The following CLIC5 variants were observed in gnomAD, a reference collection of about 807,000 sequenced individuals.
CLIC5 encodes chloride intracellular channel protein 5.
A neutral mutation model predicts 24.7 loss-of-function variants in CLIC5; 20 were observed. That is an observed-to-expected ratio of 0.81 (90% CI 0.57 to 1.18). The LOEUF is 1.18. CLIC5 is among the 50% of genes most tolerant of loss of function. The pLI is 0.00. For missense variants in CLIC5, 341 were observed against 326.1 expected (o/e 1.05, Z -0.35); for synonymous variants, 159 against 135.6 (o/e 1.17, Z -1.20).
At chr6:45,989,535 C>T (rs1765857323) in intron 1 of CLIC5, among the ~76,000 whole-genome samples, 2 of 152,194 alleles carry the variant, frequency 1.3e-5, no homozygotes, top group Admixed American at 6.5e-5. Flanking sequence ...TCCAGTGCTG[C>T]CCTTACAACA....
At chr6:46,077,235 G>C (rs1334320027) in intron 1 of CLIC5, among the ~76,000 whole-genome samples, 1 of 152,072 alleles carries the variant, frequency 6.6e-6, no homozygotes, top group Admixed American at 6.6e-5. Context: ...AAATGATTAA[G>C]CCTCAATAAA....
chr6:45,931,576 A>G (rs1763736971), intron 4 of CLIC5, among the ~76,000 whole-genome samples: 1 of 152,204 alleles, frequency 6.6e-6, no homozygotes, highest in African/African-American at 2.4e-5. Context: ...AAATCAGGCA[A>G]TGTCTTACAA....
chr6:46,052,436 T>C (rs932332319), intron 1 of CLIC5, among the ~76,000 whole-genome samples: 1 of 152,180 alleles, frequency 6.6e-6, no homozygotes, highest in Non-Finnish European at 1.5e-5. Context: ...GTGTCACCAA[T>C]GACAAGGGTT....
intron 1 of CLIC5, among the ~76,000 whole-genome samples, chr6:45,990,753 G>A (rs950679244): frequency 6.6e-6 from 1 of 152,218 alleles, no homozygotes; most frequent in African/African-American, 2.4e-5. Flanking sequence ...TAAAACTTGA[G>A]TTTGCAATAT....
At chr6:45,982,227 T>C (rs1282946448) in intron 1 of CLIC5, among the ~76,000 whole-genome samples, 1 of 152,092 alleles carries the variant, frequency 6.6e-6, no homozygotes, top group Non-Finnish European at 1.5e-5. Context: ...GTGATTCTTG[T>C]CCTGACTCCA....
intron 6 of CLIC5, among the ~76,000 whole-genome samples, chr6:45,882,181 C>G (rs1488824543): frequency 6.6e-6 from 1 of 152,194 alleles, no homozygotes; most frequent in African/African-American, 2.4e-5. Context: ...CAAAAACACC[C>G]TGGAACCATC....
intron 1 of CLIC5, among the ~76,000 whole-genome samples, chr6:46,003,123 C>T (rs1766419906): frequency 6.6e-6 from 1 of 152,120 alleles, no homozygotes; most frequent in African/African-American, 2.4e-5. Context: ...GGGAATAGTA[C>T]CAAGACCTAC....
rs879054512 is a variant in CLIC5, at chr6:46,015,270, C to G, written c.63+210G>C. ...GTGGACAAACTGCGGATCAACTCTCCGAGAAGACGGCCACCTGCCGGAACC... is the reference window on the plus strand; with the variant it reads ...GTGGACAAACTGCGGATCAACTCTCGGAGAAGACGGCCACCTGCCGGAACC... On this transcript the variant is annotated intron_variant, in intron 1 of 5. Coordinates refer to ENST00000339561, the MANE Select transcript of CLIC5 (RefSeq NM_016929.5). Among the ~76,000 whole-genome samples, 16 of 152,266 alleles carry G rather than the reference C, an allele frequency of 1.1e-4. 1 individual carries two copies. In the South Asian group the frequency reaches 2.9e-3, roughly 28 times the overall value.
intron 1 of CLIC5, among the ~76,000 whole-genome samples, chr6:46,005,174 C>T (rs1459922740): frequency 6.6e-6 from 1 of 152,204 alleles, no homozygotes; most frequent in Non-Finnish European, 1.5e-5. Context: ...GGTGTTACTT[C>T]GTCTCTATTC....
At chr6:45,994,463 G>A (rs1461029604) in intron 1 of CLIC5, among the ~76,000 whole-genome samples, 1 of 152,036 alleles carries the variant, frequency 6.6e-6, no homozygotes, top group East Asian at 1.9e-4. Context: ...ACACAGGGAG[G>A]GGAACAACGC....
chr6:46,091,468 G>A, the CLIC5 span, among the ~76,000 whole-genome samples: 2 of 152,142 alleles, frequency 1.3e-5, no homozygotes, highest in South Asian at 4.1e-4. Flanking sequence ...TAGCATGGTG[G>A]CTCATGCCTG....
At chr6:46,088,009 T>C in the CLIC5 span, among the ~76,000 whole-genome samples, 1 of 152,234 alleles carries the variant, frequency 6.6e-6, no homozygotes. Context: ...TTTTTAATTA[T>C]GTTTCTCTAC....
In CLIC5 at chr6:45,932,322, C is replaced by T. The variant is rs193236676; in HGVS notation, c.406+9225G>A. ...CGGGGTTTCACCATGTTGGCCAGGA[C>T]GGTCTCAAACTCGTGACCTCGTGAT... On this transcript the variant is annotated intron_variant, in intron 4 of 5. Coordinates refer to ENST00000339561, the MANE Select transcript of CLIC5 (RefSeq NM_016929.5). Among the ~76,000 whole-genome samples the T allele has an allele frequency of 4.3e-4, 65 of 151,968 alleles. 1 individual carries two copies. Among genetic ancestry groups the T allele is most frequent in the Admixed American group, 1.9e-3 (29 of 15,282 alleles).
chr6:46,011,377 C>T (rs1265704949), intron 1 of CLIC5, among the ~76,000 whole-genome samples: 1 of 152,216 alleles, frequency 6.6e-6, no homozygotes, highest in Non-Finnish European at 1.5e-5. Context: ...TTGGACCTGC[C>T]TCTGATTATG....
chr6:46,123,370 C>A, the CLIC5 span, among the ~76,000 whole-genome samples: 1 of 152,126 alleles, frequency 6.6e-6, no homozygotes, highest in East Asian at 1.9e-4. Flanking sequence ...AGGCCTTCCA[C>A]AATATTCAAC....
At position 46,004,696 on chromosome 6, in the gene CLIC5, C is replaced by T. The variant is rs1315940029; in HGVS notation, c.63+10784G>A. Among the ~76,000 whole-genome samples the T allele has an allele frequency of 2.6e-5, 4 of 152,284 alleles. No homozygotes were observed. The East Asian group carries it at 7.7e-4, about 29-fold the overall frequency. The stretch of plus-strand genomic sequence containing the variant: ...TCATGTTTCTTATCTTATTTGACTT[C>T]ATAATAATAATCCTGCCACACAGAT... On this transcript the variant is annotated intron_variant, in intron 1 of 5. Transcript: ENST00000339561.
intron 3 of CLIC5, among the ~76,000 whole-genome samples, chr6:45,945,686 C>T (rs1053564010): frequency 3.3e-5 from 5 of 152,188 alleles, no homozygotes; most frequent in East Asian, 1.9e-4. Context: ...ACCCGAGTCA[C>T]TCTGACTCCA....
chr6:45,968,979 T>C (rs1765105449), intron 1 of CLIC5, among the ~76,000 whole-genome samples: 1 of 152,238 alleles, frequency 6.6e-6, no homozygotes, highest in Admixed American at 6.5e-5. Context: ...CTTAATCTTG[T>C]TATTTTTAAA....
intron 5 of CLIC5, chr6:45,912,645 G>C: frequency 6.6e-7 from 1 of 1,526,108 alleles, no homozygotes; most frequent in Non-Finnish European, 8.8e-7. Context: ...GCAAATACAG[G>C]ACCGGAACTC....
Sources: gnomAD v4.1 joint callset for allele counts (sites outside exome capture counted in the v4.1 genomes callset) on GRCh38, gnomAD v4.1.1 for gene constraint, MANE v1.5 for transcripts, NCBI Gene and HGNC (gene_info 2026-07-23, HGNC 2026-07-21) for gene names.